Variants in CCNT1 observed in about 807,000 individuals in gnomAD.
CCNT1 encodes the protein cyclin T1.
Under a neutral mutation model 67.3 loss-of-function variants are expected in CCNT1, and 18 were observed. That is an observed-to-expected ratio of 0.27 (90% CI 0.18 to 0.40). CCNT1 has a LOEUF of 0.40. CCNT1 is among the 10% of genes least tolerant of loss of function. The pLI, the probability that CCNT1 is intolerant of heterozygous loss-of-function variation, is 1.00. For synonymous variants in CCNT1, 333 were observed against 310.3 expected (o/e 1.07, Z -0.77); for missense variants, 744 against 884.9 (o/e 0.84, Z 2.02).
chr12:48,701,033 C>G lies in CCNT1; in HGVS notation c.413G>C (p.Ser138Thr). 1 of 1,581,934 alleles carries G rather than the reference C, an allele frequency of 6.3e-7. No individual in the cohort carries two copies. Among genetic ancestry groups the G allele is most frequent in the Non-Finnish European group, 8.6e-7 (1 of 1,160,958 alleles). Residue 138 changes from serine (S) to threonine (T), a missense_variant, in exon 4 of 9, where the codon AGC (serine) becomes ACC (threonine). Ser to Thr is a moderately conservative substitution (Grantham distance 58). Transcript: ENST00000261900. Reference protein sequence around the residue: ...QQVQDLVILESIILQTLGFEL... With the variant: ...QQVQDLVILETIILQTLGFEL... Reference sequence around the variant, plus strand: ...CTTACCTAAAGTCTGCAAAATTATGCTTTCTAAAATGACCAGATCTTGAAC... The same window carrying G: ...CTTACCTAAAGTCTGCAAAATTATGGTTTCTAAAATGACCAGATCTTGAAC...
At chr12:48,709,725 C>T (rs1266709959) in intron 2 of CCNT1, among the ~76,000 whole-genome samples, 2 of 151,998 alleles carry the variant, frequency 1.3e-5, no homozygotes, top group Non-Finnish European at 2.9e-5. Flanking sequence ...ATAAAAATAC[C>T]TCAATGCTAG....
At position 48,692,971 on chromosome 12, in the gene CCNT1, A is replaced by T; in HGVS notation, c.*62T>A. The T allele has an allele frequency of 1.7e-6, 2 of 1,153,340 alleles. No individual in the cohort carries two copies. Among genetic ancestry groups the T allele is most frequent in the Non-Finnish European group, 2.4e-6 (2 of 830,524 alleles). The allele number at this position is 1,153,340 out of a possible 1,614,324, so 71.4% of individuals were successfully genotyped here. A position where few individuals can be genotyped will look rare whatever the true frequency, so the allele number is the denominator to read the frequency against. ...CATAAGTAATTTTCTTAGTCCAAAA[A>T]AAAAAAAGAAAAATTATGTGTTTTT... On this transcript the variant is annotated 3_prime_UTR_variant, in exon 9 of 9. Coordinates refer to ENST00000261900, the MANE Select transcript of CCNT1 (RefSeq NM_001240.4).
intron 4 of CCNT1, 97 bp from the exon 5 acceptor site, chr12:48,699,937 G>GTT (rs773027361): frequency 8.8e-6 from 6 of 682,802 alleles, no homozygotes; most frequent in Non-Finnish European, 1.5e-5. Flanking sequence ...CACCTTACTG[G>GTT]TTTCCACACT....
rs758153792 is a variant in CCNT1, at chr12:48,694,430, C to T, written c.784G>A (p.Glu262Lys). 1 of 1,610,290 alleles carries T rather than the reference C, an allele frequency of 6.2e-7. No homozygotes were observed. Among genetic ancestry groups the T allele is most frequent in the South Asian group, 1.1e-5 (1 of 90,954 alleles). Residue 262 changes from glutamate (E) to lysine (K), a missense_variant, in exon 9 of 9, where the codon GAG becomes AAG. Physicochemically the swap from Glu to Lys is moderately conservative, Grantham distance 56. Around this residue, in one of 3 missense-constraint regions of CCNT1, gnomAD observed 564 missense variants for 574.2 expected, o/e 0.98. Coordinates refer to ENST00000261900, the MANE Select transcript of CCNT1 (RefSeq NM_001240.4). ...TCTGCTTTTGTTTTCTTGGCAGCCT[C>T]GCATGCCTGCAATGAAGCAAATAGC... ...LKRIWNWRAC[E>K]AAKKTKADDR...
intron 2 of CCNT1, among the ~76,000 whole-genome samples, chr12:48,708,955 C>T (rs902775345): frequency 5.9e-5 from 9 of 152,144 alleles, no homozygotes; most frequent in Non-Finnish European, 1.2e-4. Flanking sequence ...ATTCACTGGG[C>T]GTGGTGGCAC....
At chr12:48,715,483 G>A (rs1192664553) in intron 1 of CCNT1, among the ~76,000 whole-genome samples, 1 of 151,226 alleles carries the variant, frequency 6.6e-6, no homozygotes, top group East Asian at 1.9e-4. Context: ...TTTCTGAGAC[G>A]GAGTTTCACT....
chr12:48,697,517 T>G (rs747417691), intron 6 of CCNT1, among the ~76,000 whole-genome samples: 9 of 108,836 alleles, frequency 8.3e-5, no homozygotes, highest in Non-Finnish European at 1.7e-4. Context: ...AGTGAGACTC[T>G]GTCTTAAAAA....
chr12:48,704,722 T>C (rs1207439889), intron 3 of CCNT1, among the ~76,000 whole-genome samples: 1 of 152,068 alleles, frequency 6.6e-6, no homozygotes, highest in African/African-American at 2.4e-5. Context: ...GGCAGGAGAA[T>C]CGCTTGAAAC....
chr12:48,703,819 G>A lies in CCNT1; in HGVS notation c.372+1949C>T, dbSNP rs77801304. Among the ~76,000 whole-genome samples the A allele has an allele frequency of 6.6e-5, 10 of 151,820 alleles. No homozygotes were observed. In the East Asian group the frequency reaches 7.8e-4, roughly 12 times the overall value. Reference sequence around the variant, plus strand: ...CGCACACCTATAGTCCCAGCTACTCGGGATGCTGAGGTCAGGGGGATCACT... The same window carrying A: ...CGCACACCTATAGTCCCAGCTACTCAGGATGCTGAGGTCAGGGGGATCACT... On this transcript the variant is annotated intron_variant, in intron 3 of 8. Coordinates refer to ENST00000261900, the MANE Select transcript of CCNT1 (RefSeq NM_001240.4).
chr12:48,711,271 T>C (rs1431161359), intron 2 of CCNT1, among the ~76,000 whole-genome samples: 1 of 151,370 alleles, frequency 6.6e-6, no homozygotes, highest in African/African-American at 2.4e-5. Context: ...TCCCAGCTAC[T>C]TGGGAGGTTG....
rs1271581928 is a variant in CCNT1, at chr12:48,714,540, T to A, written c.162-16A>T. The stretch of plus-strand genomic sequence containing the variant: ...CAATTGTGAGCTGAAGTGTTCAAGT[T>A]AAGATCCAAAAACAGGCAGGTATAA... On this transcript the variant is annotated splice_polypyrimidine_tract_variant and intron_variant, in intron 1 of 8. Transcript: ENST00000261900. 1 of 1,562,430 alleles carries A rather than the reference T, an allele frequency of 6.4e-7. No individual in the cohort carries two copies. The highest frequency in any genetic ancestry group is 8.8e-7 in the Non-Finnish European group (1 of 1,133,412).
chr12:48,695,693 G>C (rs1158661059), intron 8 of CCNT1, 66 bp downstream of exon 8: 2 of 1,041,360 alleles, frequency 1.9e-6, no homozygotes, highest in African/African-American at 3.1e-5. Flanking sequence ...TTCAATACTG[G>C]TATATTCACT....
In CCNT1 at chr12:48,698,201, A is replaced by AAAGTC; in HGVS notation, c.497-19_497-18insGACTT. 6.4e-7 allele frequency: 1 copy of AAAGTC among 1,555,062 alleles called. No individual in the cohort carries two copies. Among genetic ancestry groups the AAAGTC allele is most frequent in the Non-Finnish European group, 8.7e-7 (1 of 1,150,826 alleles). On this transcript the variant is annotated intron_variant, in intron 5 of 8. Transcript: ENST00000261900. ...CTTGCTTGCTAAAGAAAAAAAAAAAAAGTCAGGGGTGGGGGAGGAAAAAAG... is the reference window on the plus strand; with the variant it reads ...CTTGCTTGCTAAAGAAAAAAAAAAAAAAGTCAGTCAGGGGTGGGGGAGGAAAAAAG...
rs1249118277 is a variant in CCNT1, at chr12:48,689,457, G to A, written c.*3576C>T. 6.6e-6 allele frequency: 1 copy of A among 152,044 alleles called. No homozygotes were observed. Among genetic ancestry groups the A allele is most frequent in the Non-Finnish European group, 1.5e-5 (1 of 68,016 alleles). The allele number at this position is 152,044 out of a possible 1,614,324, so 9.4% of individuals were successfully genotyped here. On this transcript the variant is annotated 3_prime_UTR_variant, in exon 9 of 9. Transcript: ENST00000261900. ...GGAGCAAACACTCAGTTAAAAGCTGGGTGTTAACAAGCAGCAACTCAAGAA... is the reference window on the plus strand; with the variant it reads ...GGAGCAAACACTCAGTTAAAAGCTGAGTGTTAACAAGCAGCAACTCAAGAA...
At chr12:48,700,102 A>G (rs1049894619) in intron 4 of CCNT1, among the ~76,000 whole-genome samples, 4 of 151,934 alleles carry the variant, frequency 2.6e-5, no homozygotes, top group African/African-American at 9.7e-5. Context: ...AGCGGATCAC[A>G]AGGTCAGGAG....
At position 48,693,238 on chromosome 12, in the gene CCNT1, T is replaced by C. The variant is rs751897992; in HGVS notation, c.1976A>G (p.Asp659Gly). Reference protein sequence around the residue: ...HNTTQTIDYQDTVNMLHSLLS... With the variant: ...HNTTQTIDYQGTVNMLHSLLS... Reference sequence around the variant, plus strand: ...CAGGGAGTGAAGCATATTCACAGTGTCTTGATAGTCTATTGTCTGGGTCGT... The same window carrying C: ...CAGGGAGTGAAGCATATTCACAGTGCCTTGATAGTCTATTGTCTGGGTCGT... Residue 659 changes from aspartate to glycine, a missense_variant, in exon 9 of 9, where the codon GAC becomes GGC. By Grantham distance (94) the Asp-to-Gly change is moderately conservative (BLOSUM62 -1). Coordinates refer to ENST00000261900, the MANE Select transcript of CCNT1 (RefSeq NM_001240.4). 9.3e-6 allele frequency: 15 copies of C among 1,614,100 alleles called. No individual in the cohort carries two copies. In the Admixed American group the frequency reaches 1.8e-4, roughly 20 times the overall value.
chr12:48,709,858 A>G (rs1200768657), intron 2 of CCNT1, among the ~76,000 whole-genome samples: 1 of 151,684 alleles, frequency 6.6e-6, no homozygotes, highest in African/African-American at 2.4e-5. Flanking sequence ...CTTAATTTTT[A>G]CCATGGGAAT....
chr12:48,697,849 A>AT (rs1555157882), intron 6 of CCNT1: 10 of 96,550 alleles, frequency 1.0e-4, no homozygotes, highest in African/African-American at 3.4e-4. Flanking sequence ...TAAAAAAAAA[A>AT]AAAAAAATAT....
intron 5 of CCNT1, 86 bp from the exon 6 acceptor site, chr12:48,698,269 T>G (rs1253899290): frequency 1.0e-6 from 1 of 987,336 alleles, no homozygotes; most frequent in African/African-American, 1.6e-5. Context: ...AGTAAGCATT[T>G]AATATTTGCA....
Sources: gnomAD v4.1 joint callset for allele counts (sites outside exome capture counted in the v4.1 genomes callset) on GRCh38, gnomAD v4.1.1 for gene constraint, gnomAD v4.1.1 regional missense constraint, MANE v1.5 for transcripts, NCBI Gene and HGNC (gene_info 2026-07-23, HGNC 2026-07-21) for gene names.